PTBP2: variants seen among roughly 807,000 people sequenced by gnomAD.
PTBP2 encodes polypyrimidine tract-binding protein 2.
PTBP2 carries 13 observed loss-of-function variants against 61.4 expected under a neutral mutation model. The observed-to-expected ratio is 0.21, with a 90% CI of 0.14 to 0.34. The LOEUF (loss-of-function observed/expected upper bound fraction) is 0.34. Ranked by LOEUF, PTBP2 falls within the 10% of genes least tolerant of loss-of-function variation. PTBP2 has a pLI of 1.00. For synonymous variants in PTBP2, 215 were observed against 218.5 expected (o/e 0.98, Z 0.14); for missense variants, 405 against 642.6 (o/e 0.63, Z 4.00).
At chr1:96,747,963 GC>G (rs1654061481) in intron 2 of PTBP2, among the ~76,000 whole-genome samples, 1 of 151,208 alleles carries the variant, frequency 6.6e-6, no homozygotes, top group African/African-American at 2.4e-5. Flanking sequence ...TTTATTGGTT[GC>G]GTGAGTCAGG....
At chr1:96,751,007 C>A (rs1183818235) in intron 2 of PTBP2, among the ~76,000 whole-genome samples, 1 of 152,002 alleles carries the variant, frequency 6.6e-6, no homozygotes, top group Non-Finnish European at 1.5e-5. Context: ...ATATTGATAT[C>A]TAACTCACCA....
At chr1:96,762,292 C>A (rs1237010501) in intron 3 of PTBP2, among the ~76,000 whole-genome samples, 1 of 148,694 alleles carries the variant, frequency 6.7e-6, no homozygotes, top group African/African-American at 2.6e-5. Context: ...CTCCTCACTT[C>A]CCAGTAGGGG....
chr1:96,775,243 A>C (rs1306466578), intron 5 of PTBP2, among the ~76,000 whole-genome samples: 1 of 152,164 alleles, frequency 6.6e-6, no homozygotes, highest in Non-Finnish European at 1.5e-5. Context: ...ATATCTACTA[A>C]AGTTGAGCAT....
At position 96,724,313 on chromosome 1, in the gene PTBP2, C is replaced by T. The variant is rs200929152; in HGVS notation, c.39+719C>T. 3.3e-5 allele frequency among the ~76,000 whole-genome samples: 5 copies of T among 152,132 alleles called. No individual in the cohort carries two copies. The East Asian group carries it at 5.8e-4, about 18-fold the overall frequency. ...GTTGCCCAGGCTGGATGCAGTGGCA[C>T]GATCTTGGCCCACTGCAACCTCTGC... On this transcript the variant is annotated intron_variant, in intron 2 of 13. Transcript: ENST00000674951.
exon 14 of PTBP2, chr1:96,820,358 T>C (rs1023036374): frequency 6.6e-6 from 1 of 152,118 alleles, no homozygotes; most frequent in Non-Finnish European, 1.5e-5. Flanking sequence ...GTACAGCTGG[T>C]TCTATTAGAC....
intron 3 of PTBP2, among the ~76,000 whole-genome samples, chr1:96,761,455 G>T (rs1655858257): frequency 6.6e-6 from 1 of 151,408 alleles, no homozygotes; most frequent in Non-Finnish European, 1.5e-5. Flanking sequence ...TCACAGGTAG[G>T]ATCAGTATTG....
At chr1:96,760,743 C>T (rs1570827047) in intron 3 of PTBP2, among the ~76,000 whole-genome samples, 1 of 152,228 alleles carries the variant, frequency 6.6e-6, no homozygotes, top group East Asian at 1.9e-4. Flanking sequence ...CTGCGTCTGA[C>T]CTAGTTTACT....
intron 2 of PTBP2, among the ~76,000 whole-genome samples, chr1:96,723,893 T>G (rs1649998391): frequency 6.6e-6 from 1 of 152,222 alleles, no homozygotes; most frequent in South Asian, 2.1e-4. Flanking sequence ...TGAGGGGAAA[T>G]AATGATTTTA....
Position 96,785,159 on chromosome 1 carries a change from G to C in PTBP2, c.809G>C (p.Arg270Thr), listed in dbSNP as rs1273356116. 1 of 1,610,414 alleles carries C rather than the reference G, an allele frequency of 6.2e-7. No individual in the cohort carries two copies. Among genetic ancestry groups the C allele is most frequent in the South Asian group, 1.1e-5 (1 of 90,598 alleles). ...GTAAAATACAACAATGATAAAAGTAGGGATTATACTCGACCTGATCTTCCA... is the reference window on the plus strand; with the variant it reads ...GTAAAATACAACAATGATAAAAGTACGGATTATACTCGACCTGATCTTCCA... ...LNVKYNNDKS[R>T]DYTRPDLPSG... The change falls in exon 8 of 14, where the codon AGG becomes ACG. Residue 270 changes from arginine to threonine, a missense_variant. Transcript: ENST00000674951.
intron 4 of PTBP2, among the ~76,000 whole-genome samples, 160 bp downstream of exon 4, chr1:96,770,035 A>G (rs1042833720): frequency 2.0e-5 from 3 of 152,082 alleles, no homozygotes; most frequent in African/African-American, 7.2e-5. Flanking sequence ...AATGCTAGGT[A>G]GCCAAAGTGA....
At chr1:96,724,649 T>G (rs936576312) in intron 2 of PTBP2, among the ~76,000 whole-genome samples, 8 of 143,724 alleles carry the variant, frequency 5.6e-5, no homozygotes, top group African/African-American at 1.8e-4. Flanking sequence ...CAAACATTTT[T>G]TCGAATTCTT....
chr1:96,786,382 A>T (rs1313751106), intron 8 of PTBP2, among the ~76,000 whole-genome samples: 1 of 152,038 alleles, frequency 6.6e-6, no homozygotes, highest in Non-Finnish European at 1.5e-5. Flanking sequence ...CATAGTGTTT[A>T]TTATGACTGT....
intron 2 of PTBP2, among the ~76,000 whole-genome samples, chr1:96,733,821 G>A (rs183334283): frequency 1.3e-3 from 200 of 152,158 alleles, no homozygotes; most frequent in Non-Finnish European, 1.9e-3. Flanking sequence ...AGACCAACTC[G>A]TCCTCTTCCT....
intron 3 of PTBP2, among the ~76,000 whole-genome samples, chr1:96,760,156 G>A (rs1018762418): frequency 6.6e-6 from 1 of 151,340 alleles, no homozygotes. Flanking sequence ...CAAAGGACTT[G>A]TATCCCAAAG....
intron 8 of PTBP2, among the ~76,000 whole-genome samples, chr1:96,793,903 A>G (rs1660106407): frequency 6.6e-6 from 1 of 152,208 alleles, no homozygotes; most frequent in Non-Finnish European, 1.5e-5. Context: ...AAATGTTACT[A>G]CGTCATTTCA....
intron 8 of PTBP2, 88 bp from the exon 9 acceptor site, chr1:96,804,712 G>T: frequency 7.6e-7 from 1 of 1,319,242 alleles, no homozygotes. Context: ...AAGCCATGCA[G>T]CCATCGTGCT....
Position 96,773,123 on chromosome 1 carries a change from CAAAAAAAAAAAAA to C in PTBP2, c.432+2283_432+2295del, listed in dbSNP as rs563241972. ...TGGGTGACAGAGCGAGACTCTATCTCAAAAAAAAAAAAAAAAAAAAAAAGAGTAAAGCTGAGGC... is the reference window on the plus strand; with the variant it reads ...TGGGTGACAGAGCGAGACTCTATCTCAAAAAAAAAAGAGTAAAGCTGAGGC... On this transcript the variant is annotated intron_variant, in intron 5 of 13. Transcript: ENST00000674951. Among the ~76,000 whole-genome samples, 629 of 88,274 alleles carry C rather than the reference CAAAAAAAAAAAAA, an allele frequency of 7.1e-3. 8 individuals are homozygous for C. Among genetic ancestry groups the C allele is most frequent in the Non-Finnish European group, 8.2e-3 (387 of 46,966 alleles). 57.9% of individuals were successfully genotyped at this position (88,274 alleles called of 152,430 possible).
chr1:96,788,284 T>C (rs757230360), intron 8 of PTBP2, among the ~76,000 whole-genome samples: 34 of 152,114 alleles, frequency 2.2e-4, no homozygotes, highest in African/African-American at 3.9e-4. Context: ...TATTCACTTA[T>C]GTTAGGTCAG....
At chr1:96,725,439 A>G (rs1204331929) in intron 2 of PTBP2, among the ~76,000 whole-genome samples, 1 of 151,706 alleles carries the variant, frequency 6.6e-6, no homozygotes, top group Non-Finnish European at 1.5e-5. Context: ...AGCTGGGACT[A>G]CAGGCGCCCA....
Sources: gnomAD v4.1 joint callset for allele counts (sites outside exome capture counted in the v4.1 genomes callset) on GRCh38, gnomAD v4.1.1 for gene constraint, MANE v1.5 for transcripts, NCBI Gene and HGNC (gene_info 2026-07-23, HGNC 2026-07-21) for gene names.